The following CLASRP variants were observed in gnomAD, a reference collection of about 807,000 sequenced individuals.
CLASRP encodes CLK4-associating serine/arginine rich protein.
In CLASRP, 52 loss-of-function variants were observed where a neutral mutation model predicts 99.9. The observed-to-expected ratio is 0.52, with a 90% CI of 0.42 to 0.66. CLASRP has a LOEUF of 0.66. CLASRP is among the 30% of genes least tolerant of loss of function. The pLI, the probability that CLASRP is intolerant of heterozygous loss-of-function variation, is 0.00. For missense variants in CLASRP, 848 were observed against 999.2 expected, an observed-to-expected ratio of 0.85 and a Z score of 2.04; for synonymous variants, 379 against 373.0, an observed-to-expected ratio of 1.02 and a Z score of -0.18.
intron 18 of CLASRP, chr19:45,069,750 G>A: frequency 2.0e-6 from 1 of 494,050 alleles, no homozygotes; most frequent in Non-Finnish European, 3.6e-6. Flanking sequence ...AACACTCACT[G>A]TGTGCAGGTG....
At position 45,058,395 on chromosome 19, in the gene CLASRP, A is replaced by T. The variant is rs933596066; in HGVS notation, c.613+497A>T. 7 of 155,334 alleles carry T rather than the reference A, an allele frequency of 4.5e-5. No individual in the cohort carries two copies. In the South Asian group the frequency reaches 1.3e-3, roughly 30 times the overall value. 9.6% of individuals were successfully genotyped at this position (155,334 alleles called of 1,614,324 possible). On this transcript the variant is annotated intron_variant, in intron 7 of 20. Transcript: ENST00000221455. ...ACTGGCTCTTTTTATTTATTTATTT[A>T]TTTATTTTTGAGATGGAGTCTTGCT...
intron 1 of CLASRP, 153 bp from the exon 2 acceptor site, chr19:45,040,031 C>T (rs1044591638): frequency 5.8e-6 from 3 of 519,854 alleles, no homozygotes; most frequent in Admixed American, 3.1e-5. Flanking sequence ...ACTTGAACAT[C>T]TGGCATACTG....
chr19:45,070,698 C>T, intron 20 of CLASRP, 105 bp from the exon 21 acceptor site: 3 of 1,305,782 alleles, frequency 2.3e-6, no homozygotes, highest in Non-Finnish European at 3.3e-6. Context: ...TGGGGAACAT[C>T]CTTCCCTCCA....
Position 45,067,487 on chromosome 19 carries a change from GAGCCGCAGCCGC to G in CLASRP, c.1577_1588del (p.Arg526_Ser529del), listed in dbSNP as rs375251030. On this transcript the variant is annotated inframe_deletion, in exon 14 of 21. Coordinates refer to ENST00000221455, the MANE Select transcript of CLASRP (RefSeq NM_007056.3). This position sits in a 1 kb window ranked among gnomAD's most constrained non-coding sequence, Gnocchi z 4.9. ...GCAGCCATAGCCCCAGCCCCAGCCAGAGCCGCAGCCGCAGCCGCAGCCGCAGCCAGAGCCCCT... is the reference window on the plus strand; with the variant it reads ...GCAGCCATAGCCCCAGCCCCAGCCAGAGCCGCAGCCGCAGCCAGAGCCCCT... 1.9e-4 allele frequency: 297 copies of G among 1,573,452 alleles called. No individual in the cohort carries two copies. Among genetic ancestry groups the G allele is most frequent in the Middle Eastern group, 5.0e-4 (3 of 6,016 alleles).
intron 2 of CLASRP, among the ~76,000 whole-genome samples, chr19:45,051,208 G>A (rs1041150318): frequency 2.6e-5 from 4 of 152,154 alleles, no homozygotes; most frequent in Admixed American, 6.6e-5. Flanking sequence ...GATGGGAGGT[G>A]AAGAGTTAAG....
At position 45,069,214 on chromosome 19, in the gene CLASRP, G is replaced by A; in HGVS notation, c.1840G>A (p.Glu614Lys). Residue 614 changes from glutamate to lysine, a missense_variant, in exon 18 of 21, where the codon GAG becomes AAG. By Grantham distance (56) the Glu-to-Lys change is moderately conservative. Around this residue, in one of 8 missense-constraint regions of CLASRP, gnomAD observed 116 missense variants for 162.7 expected, o/e 0.71. Transcript: ENST00000221455. ...CTGTCTGCTGCAGGAGCGGGAAGAC[G>A]AGCTTCGAGCCATGGCCCGCAAGAT... is the stretch of plus-strand genomic sequence containing the variant. ...QEHERQERED[E>K]LRAMARKIRM... 1.2e-6 allele frequency: 2 copies of A among 1,613,938 alleles called. No homozygotes were observed. Among genetic ancestry groups the A allele is most frequent in the Non-Finnish European group, 1.7e-6 (2 of 1,180,006 alleles).
rs1009407889 is a variant in CLASRP, at chr19:45,046,750, G to A, written c.100-5321G>A. On this transcript the variant is annotated intron_variant, in intron 2 of 20. Transcript: ENST00000221455. Reference sequence around the variant, plus strand: ...AGTGGTTAAGAGTTGGTTTTGGGCCGGGCGCGGTAGCTCACGCCTGTAATC... The same window carrying A: ...AGTGGTTAAGAGTTGGTTTTGGGCCAGGCGCGGTAGCTCACGCCTGTAATC... Among the ~76,000 whole-genome samples, 7 of 152,224 alleles carry A rather than the reference G, an allele frequency of 4.6e-5. No individual in the cohort carries two copies. In the South Asian group the frequency reaches 6.2e-4, roughly 13 times the overall value.
intron 2 of CLASRP, among the ~76,000 whole-genome samples, chr19:45,047,084 A>G (rs979147449): frequency 3.9e-5 from 6 of 152,192 alleles, no homozygotes; most frequent in Admixed American, 6.6e-5. Context: ...TATGTTCATT[A>G]CAGCATTATT....
At chr19:45,050,494 GACCAA>G (rs576987233) in intron 2 of CLASRP, among the ~76,000 whole-genome samples, 60 of 152,166 alleles carry the variant, frequency 3.9e-4, no homozygotes, top group Non-Finnish European at 6.8e-4. Flanking sequence ...AGACCAGCCA[GACCAA>G]CATGGAGAAA....
In CLASRP at chr19:45,067,284, G is replaced by A. The variant is rs1005946588; in HGVS notation, c.1410-53G>A. 65 of 1,449,660 alleles carry A rather than the reference G, an allele frequency of 4.5e-5. No homozygotes were observed. The highest frequency in any genetic ancestry group is 7.7e-5 in the Admixed American group (3 of 38,864). The allele number at this position is 1,449,660 out of a possible 1,614,324, so 89.8% of individuals were successfully genotyped here. A position where few individuals can be genotyped will look rare whatever the true frequency, so the allele number is the denominator to read the frequency against. Reference sequence around the variant, plus strand: ...TGGATCCGGACCCAGGGTGGGGTGCGGTTGGGGTCCCTGGAGCCTCACAGT... The same window carrying A: ...TGGATCCGGACCCAGGGTGGGGTGCAGTTGGGGTCCCTGGAGCCTCACAGT... On this transcript the variant is annotated intron_variant, in intron 13 of 20. Coordinates refer to ENST00000221455, the MANE Select transcript of CLASRP (RefSeq NM_007056.3). The surrounding 1 kb of genome is among the most constrained non-coding windows in gnomAD (Gnocchi z 4.9).
chr19:45,057,034 G>C (rs1972131887), intron 6 of CLASRP, among the ~76,000 whole-genome samples: 1 of 152,180 alleles, frequency 6.6e-6, no homozygotes, highest in Admixed American at 6.5e-5. Context: ...GGGAGACCCG[G>C]GCCTTATCCT....
intron 2 of CLASRP, among the ~76,000 whole-genome samples, chr19:45,051,228 A>G (rs1245280293): frequency 1.3e-5 from 2 of 152,074 alleles, no homozygotes; most frequent in Admixed American, 6.6e-5. Flanking sequence ...GGGGGCTGAT[A>G]TTTTAGAGAG....
At chr19:45,069,555 A>G (rs2122620043) in intron 18 of CLASRP, 2 of 539,948 alleles carry the variant, frequency 3.7e-6, no homozygotes, top group Middle Eastern at 5.0e-4. Flanking sequence ...CCACTCACCC[A>G]CCGCCATGGG....
At position 45,067,526 on chromosome 19, in the gene CLASRP, G is replaced by A. The variant is rs767709339; in HGVS notation, c.1599G>A (p.Ser533=). The change falls in exon 14 of 21, where the codon TCG becomes TCA. Residue 533 remains serine (S), a synonymous_variant. Transcript: ENST00000221455. The surrounding 1 kb of genome is among the most constrained non-coding windows in gnomAD (Gnocchi z 4.9). ...GCCGCAGCCGCAGCCAGAGCCCCTCGCCATCACCCGCAAGAGAGAAGCTGA... is the reference window on the plus strand; with the variant it reads ...GCCGCAGCCGCAGCCAGAGCCCCTCACCATCACCCGCAAGAGAGAAGCTGA... ...SRSRSRSQSP[S]PSPAREKLTR... The A allele has an allele frequency of 5.4e-5, 87 of 1,601,738 alleles. No individual in the cohort carries two copies. Among genetic ancestry groups the A allele is most frequent in the East Asian group, 8.9e-5 (4 of 44,718 alleles).
chr19:45,046,435 G>A (rs766402774), intron 2 of CLASRP, among the ~76,000 whole-genome samples: 23 of 152,170 alleles, frequency 1.5e-4, no homozygotes, highest in Non-Finnish European at 2.5e-4. Context: ...TAAACAGGTC[G>A]CAGCTCAGGC....
In CLASRP at chr19:45,056,514, C is replaced by T; in HGVS notation, c.444C>T (p.Pro148=). ...AGTTGTACGGAGGCCTCCAGAGACC[C>T]AGCGAAGATGAGAAGAAGAAGTGAG... ...IDELYGGLQR[P]SEDEKKKLAE... Residue 148 remains proline (P), a synonymous_variant, in exon 6 of 21, where the codon CCC becomes CCT. Coordinates refer to ENST00000221455, the MANE Select transcript of CLASRP (RefSeq NM_007056.3). 6.2e-7 allele frequency: 1 copy of T among 1,613,872 alleles called. No homozygotes were observed. Among genetic ancestry groups the T allele is most frequent in the East Asian group, 2.2e-5 (1 of 44,878 alleles).
At chr19:45,068,113 TGGGCCCGGTGGGCCTGCAGGG>T (rs1967134915) in intron 15 of CLASRP, 59 bp downstream of exon 15, 1 of 1,515,304 alleles carries the variant, frequency 6.6e-7, no homozygotes, top group African/African-American at 1.4e-5. Flanking sequence ...GCCCAAGAGC[TGGGCCCGGTGGGCCTGCAGGG>T]GGGCCCGGGT....
rs750179843 is a variant in CLASRP at position 45,052,064 on chromosome 19, C to T, written c.100-7C>T. On this transcript the variant is annotated splice_region_variant and splice_polypyrimidine_tract_variant and intron_variant, in intron 2 of 20. Transcript: ENST00000221455. The stretch of plus-strand genomic sequence containing the variant: ...GGTGGTGACCTCAGTCCTGTTTACC[C>T]CTGCAGAAGAAGGACCCAGCCCAGT... 2 of 1,613,302 alleles carry T rather than the reference C, an allele frequency of 1.2e-6. No homozygotes were observed. Among genetic ancestry groups the T allele is most frequent in the South Asian group, 2.2e-5 (2 of 91,056 alleles).
At chr19:45,053,029 C>T (rs1972055101) in intron 4 of CLASRP, 69 bp from the exon 5 acceptor site, 5 of 1,586,672 alleles carry the variant, frequency 3.2e-6, no homozygotes, top group African/African-American at 1.3e-5. Context: ...TGCCTCATTT[C>T]CCTTCCTGCT....
Sources: gnomAD v4.1 joint callset for allele counts (sites outside exome capture counted in the v4.1 genomes callset) on GRCh38, gnomAD v4.1.1 for gene constraint, gnomAD v4.1.1 regional missense constraint, Gnocchi (gnomAD v3.1) non-coding constraint, MANE v1.5 for transcripts, NCBI Gene and HGNC (gene_info 2026-07-23, HGNC 2026-07-21) for gene names.